Variants in PTCH1 observed in about 807,000 individuals in gnomAD.
The protein encoded by PTCH1 is patched 1.
PTCH1 carries 14 observed loss-of-function variants against 144.6 expected under a neutral mutation model. That is an observed-to-expected ratio of 0.10 (90% CI 0.06 to 0.15). The LOEUF is 0.15. PTCH1 is among the 10% of genes least tolerant of loss of function. The pLI is 1.00. For missense variants in PTCH1, 1,623 were observed against 1,948.3 expected (o/e 0.83, Z 3.14); for synonymous variants, 833 against 793.6 (o/e 1.05, Z -0.83).
At chr9:95,467,860 G>C (rs923815497) in intron 14 of PTCH1, among the ~76,000 whole-genome samples, 4 of 152,070 alleles carry the variant, frequency 2.6e-5, no homozygotes, top group Non-Finnish European at 4.4e-5. Flanking sequence ...ACCCACCTCG[G>C]CCTCCCCAAG....
At chr9:95,487,810 T>C (rs1047389628) in intron 2 of PTCH1, among the ~76,000 whole-genome samples, 62 of 152,326 alleles carry the variant, frequency 4.1e-4, no homozygotes, top group African/African-American at 1.4e-3. Flanking sequence ...CCTGCACCTT[T>C]ACTGAAGCTT....
chr9:95,506,229 G>T, intron 2 of PTCH1, 178 bp downstream of exon 2: 1 of 690,006 alleles, frequency 1.4e-6, no homozygotes, highest in Non-Finnish European at 2.3e-6. Flanking sequence ...TTACAGCGCG[G>T]CCTTTGTCGG....
intron 2 of PTCH1, among the ~76,000 whole-genome samples, chr9:95,499,304 A>G (rs1368540874): frequency 2.0e-5 from 3 of 151,394 alleles, no homozygotes; most frequent in Non-Finnish European, 4.4e-5. Context: ...AAGAATGCCA[A>G]GGATGCAAAT....
chr9:95,446,846 G>A, intron 23 of PTCH1, 65 bp downstream of exon 23: 1 of 1,606,306 alleles, frequency 6.2e-7, no homozygotes, highest in Non-Finnish European at 8.5e-7. Flanking sequence ...AGAACCCCAG[G>A]AGAACCTTGT....
intron 20 of PTCH1, chr9:95,450,717 GA>G (rs1838379798): frequency 6.6e-6 from 1 of 152,544 alleles, no homozygotes; most frequent in Non-Finnish European, 1.5e-5. Flanking sequence ...TAGCATCTCT[GA>G]ATACTCTTGT....
chr9:95,492,039 G>A lies in PTCH1; in HGVS notation c.395-6165C>T, dbSNP rs539205154. 3.9e-5 allele frequency among the ~76,000 whole-genome samples: 6 copies of A among 152,252 alleles called. No individual in the cohort carries two copies. In the East Asian group the frequency reaches 7.7e-4, roughly 20 times the overall value. ...GACAGAAACTATTGTTAATGAGGCC[G>A]GTGATGCTGGAGGAAACATTCTGAA... On this transcript the variant is annotated intron_variant, in intron 2 of 23. Coordinates refer to ENST00000331920, the MANE Select transcript of PTCH1 (RefSeq NM_000264.5).
In PTCH1 at chr9:95,509,209, G is replaced by GA. The variant is rs570030840; in HGVS notation, c.-849dup. ...TGATTCAATAGATGAGATGGAAGAA[G>GA]AAAAAAAAGAACTCTCTCCATTTGG... is the stretch of plus-strand genomic sequence containing the variant. On this transcript the variant is annotated 5_prime_UTR_variant, in exon 1 of 24. It introduces an in-frame stop codon into an upstream open reading frame of the 5' UTR. Transcript: ENST00000331920. Among the ~76,000 whole-genome samples the GA allele has an allele frequency of 9.4e-4, 114 of 120,896 alleles. No individual in the cohort carries two copies. The highest frequency in any genetic ancestry group is 1.2e-3 in the Non-Finnish European group (74 of 61,180). 79.3% of individuals were successfully genotyped at this position (120,896 alleles called of 152,430 possible).
At chr9:95,516,363 C>G (rs1372113784) in intron 1 of PTCH1, 1 of 938,102 alleles carries the variant, frequency 1.1e-6, no homozygotes, top group East Asian at 4.5e-5. Flanking sequence ...CTCGCTCCTC[C>G]GTCCGCCGCG....
intron 12 of PTCH1, among the ~76,000 whole-genome samples, chr9:95,472,183 G>A (rs1049174710): frequency 1.3e-5 from 2 of 152,234 alleles, no homozygotes; most frequent in African/African-American, 4.8e-5. Flanking sequence ...GGAAGAGAAA[G>A]GAGAAGCTAT....
At chr9:95,456,099 C>T (rs1838896357) in intron 19 of PTCH1, among the ~76,000 whole-genome samples, 177 bp downstream of exon 19, 1 of 152,208 alleles carries the variant, frequency 6.6e-6, no homozygotes, top group Non-Finnish European at 1.5e-5. Context: ...TCTCCTTAGC[C>T]TCCCTTGAGG....
Position 95,467,390 on chromosome 9 carries a change from C to T in PTCH1, c.2286G>A (p.Gly762=). 6.2e-7 allele frequency: 1 copy of T among 1,614,156 alleles called. No individual in the cohort carries two copies. Among genetic ancestry groups the T allele is most frequent in the Non-Finnish European group, 8.5e-7 (1 of 1,180,028 alleles). The change falls in exon 15 of 24, where the codon GGG becomes GGA. Residue 762 remains glycine, a synonymous_variant. Transcript: ENST00000331920. The part of the protein sequence containing the change: ...VVIFLFLGLL[G]VSLYGTTRVR... ...CTCGGGTGGTGCCATAAAGGCTGACCCCCAGCAAGCCCAGAAAAAGGAAGA... is the reference window on the plus strand; with the variant it reads ...CTCGGGTGGTGCCATAAAGGCTGACTCCCAGCAAGCCCAGAAAAAGGAAGA...
chr9:95,502,811 C>G (rs1329611996), intron 2 of PTCH1, among the ~76,000 whole-genome samples: 1 of 152,122 alleles, frequency 6.6e-6, no homozygotes, highest in Non-Finnish European at 1.5e-5. Flanking sequence ...TTTATAAAGC[C>G]AACTCTTTAT....
chr9:95,470,009 T>C, intron 12 of PTCH1, 78 bp from the exon 13 acceptor site: 1 of 1,054,758 alleles, frequency 9.5e-7, no homozygotes, highest in South Asian at 1.3e-5. Flanking sequence ...ATAAAGATGC[T>C]TTTAAACAAT....
intron 8 of PTCH1, 115 bp from the exon 9 acceptor site, chr9:95,478,301 T>A (rs1411407573): frequency 1.3e-5 from 20 of 1,498,020 alleles, no homozygotes; most frequent in African/African-American, 9.7e-5. Flanking sequence ...ATGCATTTTT[T>A]AAAAAAGTTC....
intron 1 of PTCH1, 31 bp downstream of exon 1, chr9:95,508,130 A>C: frequency 6.2e-7 from 1 of 1,611,374 alleles, no homozygotes. Flanking sequence ...AGGAGGGAAG[A>C]GAAAGTGGGA....
At chr9:95,516,480 G>C (rs1844369395) in exon 1 of PTCH1, 2 of 1,527,394 alleles carry the variant, frequency 1.3e-6, no homozygotes, top group Non-Finnish European at 8.8e-7. Flanking sequence ...ATAGCCGGCC[G>C]TCAACCCCTG....
intron 2 of PTCH1, 187 bp downstream of exon 2, chr9:95,506,220 T>C: frequency 1.5e-6 from 1 of 657,178 alleles, no homozygotes; most frequent in South Asian, 2.0e-5. Context: ...CCGAGTAGAT[T>C]ACAGCGCGGC....
chr9:95,516,473 G>A (rs1342920338), exon 1 of PTCH1: 1 of 1,524,386 alleles, frequency 6.6e-7, no homozygotes. Flanking sequence ...ACTCACCATA[G>A]CCGGCCGTCA....
In PTCH1 at chr9:95,447,061, G is replaced by A. The variant is rs1275384199; in HGVS notation, c.4195C>T (p.Pro1399Ser). The A allele has an allele frequency of 1.9e-6, 3 of 1,614,012 alleles. No individual in the cohort carries two copies. Among genetic ancestry groups the A allele is most frequent in the African/African-American group, 2.7e-5 (2 of 74,930 alleles). ...PGRNPRGGLCPGYPETDHGLF... is the reference protein window; with the variant it reads ...PGRNPRGGLCSGYPETDHGLF... ...CCGTGGTCAGTCTCAGGGTAGCCTGGGCAGAGTCCCCCTCGGGGGTTCCGC... is the reference window on the plus strand; with the variant it reads ...CCGTGGTCAGTCTCAGGGTAGCCTGAGCAGAGTCCCCCTCGGGGGTTCCGC... The change falls in exon 23 of 24, where the codon CCA becomes TCA. Residue 1399 changes from proline to serine, a missense_variant. Physicochemically the swap from Pro to Ser is moderately conservative, Grantham distance 74. This residue lies in a region of PTCH1 where 291 missense variants were observed against 287.4 expected (regional missense o/e 1.01). Transcript: ENST00000331920.
Sources: allele counts gnomAD v4.1 joint callset (sites outside exome capture counted in the v4.1 genomes callset), GRCh38; gene constraint gnomAD v4.1.1; regional missense constraint gnomAD v4.1.1; transcripts MANE v1.5; gene names NCBI Gene and HGNC (gene_info 2026-07-23, HGNC 2026-07-21).